Variants in UBE2V1 observed in about 807,000 individuals in gnomAD.
The protein encoded by UBE2V1 is ubiquitin conjugating enzyme E2 V1.
Under a neutral mutation model 19.6 loss-of-function variants are expected in UBE2V1, and 15 were observed. The ratio of observed to expected loss-of-function variants is 0.77; its 90% confidence interval spans 0.51 to 1.18. The LOEUF is 1.18. UBE2V1 is among the 50% of genes most tolerant of loss of function. The pLI, the probability that UBE2V1 is intolerant of heterozygous loss-of-function variation, is 0.00. For synonymous variants in UBE2V1, 60 were observed against 60.7 expected (o/e 0.99, Z 0.05); for missense variants, 125 against 184.8 (o/e 0.68, Z 1.88).
At chr20:50,085,468 G>A (rs936067318) in intron 2 of UBE2V1, among the ~76,000 whole-genome samples, 6 of 152,100 alleles carry the variant, frequency 3.9e-5, no homozygotes, top group South Asian at 4.2e-4. Flanking sequence ...ACTGAAGGGT[G>A]ATGTCTCCCA....
At chr20:50,112,137 C>T (rs1256963548) in intron 1 of UBE2V1, among the ~76,000 whole-genome samples, 1 of 152,126 alleles carries the variant, frequency 6.6e-6, no homozygotes, top group Non-Finnish European at 1.5e-5. Context: ...CTAGGATATG[C>T]TTCCCTCACT....
At chr20:50,103,312 G>T (rs2080131102) in intron 1 of UBE2V1, among the ~76,000 whole-genome samples, 5 of 152,132 alleles carry the variant, frequency 3.3e-5, no homozygotes, top group Admixed American at 3.3e-4. Flanking sequence ...GTTTATTTTT[G>T]AAAATACAAG....
intron 1 of UBE2V1, among the ~76,000 whole-genome samples, chr20:50,104,184 A>C (rs1470315831): frequency 6.8e-6 from 1 of 148,110 alleles, no homozygotes; most frequent in East Asian, 2.1e-4. Flanking sequence ...CGAGAGGCTG[A>C]GGCAGGAGAA....
At chr20:50,112,961 T>G (rs2080865729) in intron 1 of UBE2V1, 146 bp downstream of exon 1, 2 of 383,002 alleles carry the variant, frequency 5.2e-6, no homozygotes, top group Admixed American at 4.6e-5. Context: ...CCTCCCCCGG[T>G]CAGGCCGCGC....
intron 1 of UBE2V1, among the ~76,000 whole-genome samples, chr20:50,098,711 G>C (rs1460682633): frequency 6.6e-6 from 1 of 152,158 alleles, no homozygotes; most frequent in Non-Finnish European, 1.5e-5. Context: ...ACGTATTTAT[G>C]TTTAAGAATA....
chr20:50,113,377 A>C (rs933524063), upstream of UBE2V1, among the ~76,000 whole-genome samples: 1 of 152,248 alleles, frequency 6.6e-6, no homozygotes, highest in Non-Finnish European at 1.5e-5. Flanking sequence ...TGATGTGCTT[A>C]GTGAGAAGGG....
chr20:50,104,795 C>T (rs1024848461), intron 1 of UBE2V1, among the ~76,000 whole-genome samples: 10 of 151,764 alleles, frequency 6.6e-5, no homozygotes, highest in African/African-American at 2.4e-4. Flanking sequence ...GGCGCAATCT[C>T]GGCTCACTTC....
intron 1 of UBE2V1, among the ~76,000 whole-genome samples, chr20:50,101,567 T>C (rs888576064): frequency 1.0e-4 from 2 of 19,264 alleles, no homozygotes; most frequent in African/African-American, 2.1e-4. Flanking sequence ...TTCACATTTA[T>C]AAGCAAAAAA....
At chr20:50,100,315 C>T (rs1022298705) in intron 1 of UBE2V1, among the ~76,000 whole-genome samples, 5 of 148,870 alleles carry the variant, frequency 3.4e-5, no homozygotes, top group East Asian at 2.0e-4. Context: ...AGACGGGGCG[C>T]GGTGGCTCAC....
At chr20:50,113,086 G>A in intron 1 of UBE2V1, 21 bp downstream of exon 1, 2 of 1,206,022 alleles carry the variant, frequency 1.7e-6, no homozygotes, top group South Asian at 4.3e-5. Flanking sequence ...TCGGCCGGCC[G>A]GGCCCGGCGC....
At chr20:50,113,227 C>T (rs2080897997), upstream of UBE2V1, 1 of 940,862 alleles carries the variant, frequency 1.1e-6, no homozygotes. Context: ...ACATACGCCG[C>T]CGCTGACGCC....
chr20:50,095,054 T>A (rs1057332603), intron 2 of UBE2V1: 1 of 152,230 alleles, frequency 6.6e-6, no homozygotes. Context: ...TGTGTTTTTT[T>A]GAAAGTGTAC....
intron 2 of UBE2V1, among the ~76,000 whole-genome samples, chr20:50,087,133 C>T (rs779721314): frequency 4.6e-5 from 7 of 151,688 alleles, no homozygotes; most frequent in African/African-American, 7.3e-5. Flanking sequence ...CGGTGGATGA[C>T]GCCTGTAATC....
At chr20:50,087,674 A>G (rs2079000630) in intron 2 of UBE2V1, among the ~76,000 whole-genome samples, 1 of 152,220 alleles carries the variant, frequency 6.6e-6, no homozygotes, top group African/African-American at 2.4e-5. Context: ...TGAAATGGGC[A>G]TGCTCAGACC....
At chr20:50,103,053 C>G (rs1166994869) in intron 1 of UBE2V1, among the ~76,000 whole-genome samples, 1 of 152,202 alleles carries the variant, frequency 6.6e-6, no homozygotes, top group Non-Finnish European at 1.5e-5. Flanking sequence ...CTCATTGCCA[C>G]TCGACATTGT....
chr20:50,112,661 C>G (rs976174075), intron 1 of UBE2V1, among the ~76,000 whole-genome samples: 1 of 152,242 alleles, frequency 6.6e-6, no homozygotes, highest in Non-Finnish European at 1.5e-5. Context: ...AAGGGCTTCT[C>G]TGATGTCCCC....
intron 1 of UBE2V1, 88 bp from the exon 2 acceptor site, chr20:50,096,908 G>T (rs1047753322): frequency 4.7e-5 from 73 of 1,556,872 alleles, no homozygotes; most frequent in Non-Finnish European, 6.3e-5. Flanking sequence ...CTCTCCCTGG[G>T]AATCAAGATG....
intron 2 of UBE2V1, among the ~76,000 whole-genome samples, chr20:50,093,987 C>CAAAAAAA (rs60174191): frequency 7.5e-4 from 42 of 56,258 alleles, no homozygotes; most frequent in East Asian, 1.9e-3. Flanking sequence ...GACTCCAACT[C>CAAAAAAA]AAAAAAAAAA....
intron 2 of UBE2V1, among the ~76,000 whole-genome samples, chr20:50,085,832 G>C (rs1195709981): frequency 2.0e-5 from 3 of 152,106 alleles, no homozygotes; most frequent in Admixed American, 6.6e-5. Context: ...CATCTACCCA[G>C]TTAGCTAAAG....
Sources: gnomAD v4.1 joint callset for allele counts (sites outside exome capture counted in the v4.1 genomes callset) on GRCh38, gnomAD v4.1.1 for gene constraint, MANE v1.5 for transcripts, NCBI Gene and HGNC (gene_info 2026-07-23, HGNC 2026-07-21) for gene names.